The following SV2C variants were observed in gnomAD, a reference collection of about 807,000 sequenced individuals.
SV2C encodes synaptic vesicle glycoprotein 2C, also known as solute carrier family 22 member B3.
A neutral mutation model predicts 79.7 loss-of-function variants in SV2C; 49 were observed. That is an observed-to-expected ratio of 0.61 (90% CI 0.49 to 0.78). The LOEUF is 0.78. Ranked by LOEUF, SV2C falls within the 30% of genes least tolerant of loss-of-function variation. The pLI is 0.00. For missense variants in SV2C, 833 were observed against 912.9 expected, an observed-to-expected ratio of 0.91 and a Z score of 1.13; for synonymous variants, 334 against 333.2, an observed-to-expected ratio of 1.00 and a Z score of -0.03.
At chr5:76,043,445 C>G in the SV2C span, among the ~76,000 whole-genome samples, 1 of 152,206 alleles carries the variant, frequency 6.6e-6, no homozygotes, top group Non-Finnish European at 1.5e-5. Flanking sequence ...TCACTCATAG[C>G]TAGTAACCCA....
chr5:75,982,166 C>A, the SV2C span, among the ~76,000 whole-genome samples: 1 of 150,096 alleles, frequency 6.7e-6, no homozygotes, highest in South Asian at 2.1e-4. Flanking sequence ...ACCAGCATGG[C>A]ACATGTATGC....
rs762720469 is a variant in SV2C at position 76,325,384 on chromosome 5, T to C, written c.2021T>C (p.Leu674Ser). The part of the protein sequence containing the change: ...TDRRATGFGF[L>S]NALCKAAAVL... ...TGCAGGGCAACAGGCTTTGGCTTCT[T>C]AAATGCGCTATGCAAGGCAGCAGCC... Residue 674 changes from leucine to serine, a missense_variant, in exon 13 of 13, where the codon TTA becomes TCA. Leu to Ser is a moderately radical substitution (Grantham distance 145, BLOSUM62 -2). Coordinates refer to ENST00000502798, the MANE Select transcript of SV2C (RefSeq NM_014979.4). The C allele has an allele frequency of 1.9e-6, 3 of 1,614,202 alleles. No individual in the cohort carries two copies. The highest frequency in any genetic ancestry group is 2.2e-5 in the East Asian group (1 of 44,882).
intron 12 of SV2C, among the ~76,000 whole-genome samples, chr5:76,324,809 T>C (rs1179180300): frequency 6.6e-6 from 1 of 152,094 alleles, no homozygotes; most frequent in African/African-American, 2.4e-5. Context: ...TGAGTTATCA[T>C]TGTACCAGTG....
chr5:76,036,613 T>C, the SV2C span, among the ~76,000 whole-genome samples: 1 of 152,232 alleles, frequency 6.6e-6, no homozygotes, highest in African/African-American at 2.4e-5. Context: ...CCGAGAGATC[T>C]GCTGTTAGTC....
intron 4 of SV2C, among the ~76,000 whole-genome samples, chr5:76,252,248 T>A (rs1444033360): frequency 6.6e-6 from 1 of 152,174 alleles, no homozygotes; most frequent in Non-Finnish European, 1.5e-5. Context: ...GCCTCCCAAG[T>A]AGCTGGGACT....
chr5:76,005,940 C>A, the SV2C span, among the ~76,000 whole-genome samples: 1 of 152,176 alleles, frequency 6.6e-6, no homozygotes, highest in Non-Finnish European at 1.5e-5. Context: ...TGTCTCCCTG[C>A]ATTTGAGGTT....
the SV2C span, among the ~76,000 whole-genome samples, chr5:75,978,821 G>A: frequency 1.3e-5 from 2 of 152,032 alleles, no homozygotes; most frequent in African/African-American, 2.4e-5. Context: ...AGGGCTGGGT[G>A]CAGTGGCTCA....
the SV2C span, among the ~76,000 whole-genome samples, chr5:76,038,735 G>T: frequency 6.6e-6 from 1 of 152,142 alleles, no homozygotes; most frequent in South Asian, 2.1e-4. Flanking sequence ...ATTATATTTT[G>T]CATAATTATT....
At chr5:75,849,071 T>A in the SV2C span, among the ~76,000 whole-genome samples, 1 of 152,158 alleles carries the variant, frequency 6.6e-6, no homozygotes, top group African/African-American at 2.4e-5. Flanking sequence ...TATCTCCCCG[T>A]ATGCATGAAA....
the SV2C span, among the ~76,000 whole-genome samples, chr5:75,863,619 C>G: frequency 6.6e-6 from 1 of 152,168 alleles, no homozygotes; most frequent in Non-Finnish European, 1.5e-5. Flanking sequence ...TTCAGCTGCT[C>G]TCGTTCAGAA....
At chr5:75,887,428 A>G in the SV2C span, among the ~76,000 whole-genome samples, 1 of 151,650 alleles carries the variant, frequency 6.6e-6, no homozygotes, top group Non-Finnish European at 1.5e-5. Context: ...ACTTTTTTAG[A>G]TTCCACATGT....
At chr5:76,088,126 C>T (rs997371101) in intron 1 of SV2C, among the ~76,000 whole-genome samples, 3 of 152,142 alleles carry the variant, frequency 2.0e-5, no homozygotes, top group African/African-American at 7.2e-5. Flanking sequence ...CTGCAACCTG[C>T]CCCCGCTTAC....
intron 9 of SV2C, 113 bp from the exon 10 acceptor site, chr5:76,298,681 A>G: frequency 1.6e-6 from 2 of 1,212,682 alleles, no homozygotes; most frequent in Non-Finnish European, 2.3e-6. Context: ...TGTGTTCTTT[A>G]TAATTAAGAC....
chr5:75,970,390 T>C, the SV2C span, among the ~76,000 whole-genome samples: 1 of 151,888 alleles, frequency 6.6e-6, no homozygotes, highest in Non-Finnish European at 1.5e-5. Context: ...CAGGAGCTGG[T>C]TTTTTGAAAA....
the SV2C span, among the ~76,000 whole-genome samples, chr5:75,980,870 A>C: frequency 6.6e-6 from 1 of 152,194 alleles, no homozygotes; most frequent in Non-Finnish European, 1.5e-5. Flanking sequence ...CAGGGCAATC[A>C]GGCAAGAGAA....
chr5:75,870,244 C>T, the SV2C span, among the ~76,000 whole-genome samples: 6 of 151,834 alleles, frequency 4.0e-5, no homozygotes, highest in Admixed American at 3.3e-4. Context: ...TTGGGAAACT[C>T]AAGAAAAAAT....
At chr5:75,988,711 C>G in the SV2C span, among the ~76,000 whole-genome samples, 1 of 151,872 alleles carries the variant, frequency 6.6e-6, no homozygotes, top group African/African-American at 2.4e-5. Context: ...AACAAAAGGC[C>G]TGAAGGAAAC....
chr5:76,024,335 C>G, the SV2C span, among the ~76,000 whole-genome samples: 1 of 152,252 alleles, frequency 6.6e-6, no homozygotes, highest in East Asian at 1.9e-4. Context: ...TATATATTTG[C>G]TGGGCTGGTT....
chr5:75,977,111 G>C, the SV2C span, among the ~76,000 whole-genome samples: 1 of 152,094 alleles, frequency 6.6e-6, no homozygotes, highest in Non-Finnish European at 1.5e-5. Flanking sequence ...CCAAACCCAA[G>C]AAAATCTACT....
Sources: gnomAD v4.1 joint callset for allele counts (sites outside exome capture counted in the v4.1 genomes callset) on GRCh38, gnomAD v4.1.1 for gene constraint, MANE v1.5 for transcripts, NCBI Gene and HGNC (gene_info 2026-07-23, HGNC 2026-07-21) for gene names.